GRM5: variants seen among roughly 807,000 people sequenced by gnomAD.
The protein encoded by GRM5 is metabotropic glutamate receptor 5.
In GRM5, 19 loss-of-function variants were observed where a neutral mutation model predicts 83.1. The ratio of observed to expected loss-of-function variants is 0.23; its 90% CI spans 0.16 to 0.34. The LOEUF is 0.34. GRM5 is among the 10% of genes least tolerant of loss of function. GRM5 has a pLI of 1.00. For missense variants in GRM5, 1,160 were observed against 1,588.3 expected (o/e 0.73, Z 4.58); for synonymous variants, 675 against 633.6 (o/e 1.07, Z -0.98).
At chr11:89,025,144 G>GA (rs913144472) in intron 2 of GRM5, among the ~76,000 whole-genome samples, 22 of 152,066 alleles carry the variant, frequency 1.4e-4, no homozygotes, top group African/African-American at 5.1e-4. Flanking sequence ...CTGGCATAAG[G>GA]AAAAAAATGT....
chr11:88,565,488 C>T (rs1185844926), intron 8 of GRM5, among the ~76,000 whole-genome samples: 1 of 152,198 alleles, frequency 6.6e-6, no homozygotes, highest in Non-Finnish European at 1.5e-5. Context: ...TCCCTTCCTC[C>T]ATCAATATGC....
intron 8 of GRM5, among the ~76,000 whole-genome samples, chr11:88,561,955 T>C (rs1942766357): frequency 6.6e-6 from 1 of 152,086 alleles, no homozygotes; most frequent in Admixed American, 6.6e-5. Context: ...TCTTTCTCCA[T>C]GATGAGAGGT....
chr11:88,597,502 A>T (rs1430835541), intron 5 of GRM5, 150 bp from the exon 6 acceptor site: 9 of 517,802 alleles, frequency 1.7e-5, no homozygotes, highest in Non-Finnish European at 2.7e-5. Flanking sequence ...AACAAAAAAA[A>T]TCTGTCTATT....
At chr11:88,909,481 C>T (rs72953002) in intron 2 of GRM5, among the ~76,000 whole-genome samples, 4 of 106,330 alleles carry the variant, frequency 3.8e-5, no homozygotes, top group Admixed American at 9.7e-5. Context: ...TTTTTTTTTT[C>T]ACTCTGAATC....
At chr11:89,054,003 G>T (rs553848925) in intron 1 of GRM5, among the ~76,000 whole-genome samples, 1 of 152,318 alleles carries the variant, frequency 6.6e-6, no homozygotes, top group African/African-American at 2.4e-5. Context: ...TGTTGAACCT[G>T]TTTGGACTTT....
intron 1 of GRM5, among the ~76,000 whole-genome samples, chr11:89,048,569 CTT>C (rs1203354614): frequency 1.3e-5 from 2 of 152,156 alleles, no homozygotes; most frequent in Non-Finnish European, 2.9e-5. Flanking sequence ...ATAAAATTAT[CTT>C]TTCAAAAATA....
In GRM5 at chr11:88,590,588, T is replaced by A. The variant is rs993547775; in HGVS notation, c.1690+13A>T. 6.2e-7 allele frequency: 1 copy of A among 1,609,452 alleles called. No homozygotes were observed. The highest frequency in any genetic ancestry group is 8.5e-7 in the Non-Finnish European group (1 of 1,176,162). The stretch of plus-strand genomic sequence containing the variant: ...TCAGTTAATTTATATGTGGTGAGAT[T>A]GTGATAGATTACCTGTGAGATCATC... On this transcript the variant is annotated intron_variant, in intron 7 of 9. Coordinates refer to ENST00000305447, the MANE Select transcript of GRM5 (RefSeq NM_001143831.3).
intron 3 of GRM5, among the ~76,000 whole-genome samples, chr11:88,718,906 C>T (rs1941463695): frequency 6.6e-6 from 1 of 151,872 alleles, no homozygotes; most frequent in Non-Finnish European, 1.5e-5. Flanking sequence ...GAGAAATTGA[C>T]TTTTGATTAA....
chr11:88,558,326 A>G (rs1345724165), intron 8 of GRM5, among the ~76,000 whole-genome samples: 1 of 152,142 alleles, frequency 6.6e-6, no homozygotes, highest in Admixed American at 6.6e-5. Flanking sequence ...ATTCGAAACA[A>G]CAATCCCAGC....
intron 1 of GRM5, among the ~76,000 whole-genome samples, chr11:89,051,615 C>T (rs1941763545): frequency 6.6e-6 from 1 of 152,064 alleles, no homozygotes; most frequent in Non-Finnish European, 1.5e-5. Flanking sequence ...GAGGCTGAGG[C>T]AGGAGAATCG....
chr11:88,755,613 A>G (rs1942379809), intron 3 of GRM5, among the ~76,000 whole-genome samples: 1 of 152,172 alleles, frequency 6.6e-6, no homozygotes, highest in South Asian at 2.1e-4. Context: ...AATTAAAATA[A>G]TTTATGGAAT....
At chr11:88,962,678 A>G (rs1150313) in intron 2 of GRM5, among the ~76,000 whole-genome samples, 70,446 of 152,060 alleles carry the variant, frequency 0.46, 17,142 homozygotes, top group South Asian at 0.65. Flanking sequence ...AAGGAACACT[A>G]AAATGAGTAA....
intron 2 of GRM5, among the ~76,000 whole-genome samples, chr11:88,867,600 T>C (rs943981609): frequency 3.3e-5 from 5 of 151,692 alleles, no homozygotes; most frequent in African/African-American, 9.7e-5. Context: ...AATGTGACTG[T>C]GTTTGTATAC....
At chr11:88,800,107 T>C (rs1160250917) in intron 3 of GRM5, among the ~76,000 whole-genome samples, 5 of 152,058 alleles carry the variant, frequency 3.3e-5, no homozygotes, top group Non-Finnish European at 2.9e-5. Flanking sequence ...AATAAATAAA[T>C]AAACAAACAA....
At chr11:88,598,449 T>TC (rs772882916) in intron 5 of GRM5, among the ~76,000 whole-genome samples, 26 of 152,108 alleles carry the variant, frequency 1.7e-4, no homozygotes, top group Non-Finnish European at 2.9e-4. Flanking sequence ...TTTTTTTTTT[T>TC]CTTCAGAATA....
intron 3 of GRM5, among the ~76,000 whole-genome samples, chr11:88,653,649 A>G (rs1436309712): frequency 2.0e-5 from 3 of 152,056 alleles, no homozygotes; most frequent in Admixed American, 1.3e-4. Context: ...ACTGCAGAAA[A>G]TAACCTGGAG....
chr11:88,639,458 A>AT lies in GRM5; in HGVS notation c.1147+13709dup, dbSNP rs1424282343. Among the ~76,000 whole-genome samples the AT allele has an allele frequency of 2.6e-5, 4 of 152,044 alleles. No individual in the cohort carries two copies. The East Asian group carries it at 7.7e-4, about 29-fold the overall frequency. ...AGTGTCTTGCAAACTTGTTTTCTGAATTTTGTCTGGTTTTGCTGCTGTTGT... is the reference window on the plus strand; with the variant it reads ...AGTGTCTTGCAAACTTGTTTTCTGAATTTTTGTCTGGTTTTGCTGCTGTTGT... On this transcript the variant is annotated intron_variant, in intron 4 of 9. Coordinates refer to ENST00000305447, the MANE Select transcript of GRM5 (RefSeq NM_001143831.3).
chr11:88,978,410 C>A (rs1385198915), intron 2 of GRM5, among the ~76,000 whole-genome samples: 1 of 144,460 alleles, frequency 6.9e-6, no homozygotes, highest in Non-Finnish European at 1.5e-5. Context: ...CTGGGCCACA[C>A]TGGAAGAAGA....
intron 2 of GRM5, among the ~76,000 whole-genome samples, chr11:88,892,204 T>C (rs1945157299): frequency 6.6e-6 from 1 of 151,852 alleles, no homozygotes; most frequent in South Asian, 2.1e-4. Context: ...AAACTGGTTA[T>C]TTTATCAAAG....
Sources: gnomAD v4.1 joint callset for allele counts (sites outside exome capture counted in the v4.1 genomes callset) on GRCh38, gnomAD v4.1.1 for gene constraint, MANE v1.5 for transcripts, NCBI Gene and HGNC (gene_info 2026-07-23, HGNC 2026-07-21) for gene names.